DCTN6: variants seen among roughly 807,000 people sequenced by gnomAD.
The protein encoded by DCTN6 is dynactin 6.
DCTN6 carries 15 observed loss-of-function variants against 25.8 expected under a neutral mutation model. The ratio of observed to expected loss-of-function variants is 0.58; its 90% confidence interval spans 0.39 to 0.89. The LOEUF (loss-of-function observed/expected upper bound fraction) is 0.89, where lower values mean the gene tolerates loss of function less well. Among genes scored for constraint, DCTN6 ranks in the 40% least tolerant of loss-of-function variants. The pLI, the probability that DCTN6 is intolerant of heterozygous loss-of-function variation, is 0.00. For synonymous variants in DCTN6, 64 were observed against 78.3 expected (o/e 0.82, Z 0.96); for missense variants, 198 against 237.6 (o/e 0.83, Z 1.09).
At chr8:30,173,918 G>A (rs1803797093) in intron 2 of DCTN6, among the ~76,000 whole-genome samples, 1 of 152,080 alleles carries the variant, frequency 6.6e-6, no homozygotes, top group Non-Finnish European at 1.5e-5. Flanking sequence ...GGATATTGGA[G>A]AGAGCCTAAA....
intron 2 of DCTN6, among the ~76,000 whole-genome samples, chr8:30,166,307 T>G (rs560904315): frequency 6.6e-6 from 1 of 151,928 alleles, no homozygotes; most frequent in African/African-American, 2.4e-5. Flanking sequence ...CGTTTTGGTT[T>G]TTTTTTTCTT....
intron 5 of DCTN6, among the ~76,000 whole-genome samples, chr8:30,179,917 G>A (rs1350725700): frequency 1.3e-5 from 2 of 152,180 alleles, no homozygotes; most frequent in East Asian, 3.9e-4. Flanking sequence ...CTACTGGGAA[G>A]CAACTTCAAG....
In DCTN6 at chr8:30,180,473, G is replaced by C. The variant is rs113486962; in HGVS notation, c.332-15G>C. The C allele has an allele frequency of 1.5e-4, 244 of 1,606,064 alleles. 2 individuals carry two copies. The African/African-American group carries it at 3.1e-3, about 20-fold the overall frequency. Reference sequence around the variant, plus strand: ...GATGTCTTAAGTTGCAGTTCTTTCTGTGTTTTTATTGCAGCATATGTAGGC... The same window carrying C: ...GATGTCTTAAGTTGCAGTTCTTTCTCTGTTTTTATTGCAGCATATGTAGGC... On this transcript the variant is annotated splice_polypyrimidine_tract_variant and intron_variant, in intron 5 of 6. Coordinates refer to ENST00000221114, the MANE Select transcript of DCTN6 (RefSeq NM_006571.4).
At chr8:30,175,025 C>T (rs1803812030) in intron 2 of DCTN6, 60 bp from the exon 3 acceptor site, 1 of 1,526,426 alleles carries the variant, frequency 6.6e-7, no homozygotes, top group Admixed American at 1.8e-5. Context: ...AGTCACCTTC[C>T]ACCCTTCTGT....
At chr8:30,177,448 G>A in intron 4 of DCTN6, 1 of 324,472 alleles carries the variant, frequency 3.1e-6, no homozygotes, top group South Asian at 3.9e-5. Flanking sequence ...GCTCATGCCT[G>A]TAAATCCCAG....
chr8:30,164,082 T>C, intron 1 of DCTN6, 29 bp from the exon 2 acceptor site: 3 of 1,585,632 alleles, frequency 1.9e-6, no homozygotes, highest in Non-Finnish European at 2.6e-6. Flanking sequence ...ATCTTACCCC[T>C]GGTAAATGTT....
intron 1 of DCTN6, among the ~76,000 whole-genome samples, chr8:30,163,004 A>C (rs1803616673): frequency 6.7e-6 from 1 of 150,052 alleles, no homozygotes; most frequent in South Asian, 2.1e-4. Context: ...TTTTTTTTTT[A>C]AGAGATGAGG....
intron 4 of DCTN6, among the ~76,000 whole-genome samples, chr8:30,178,026 T>C (rs1278680313): frequency 2.6e-5 from 4 of 152,194 alleles, no homozygotes; most frequent in Non-Finnish European, 4.4e-5. Flanking sequence ...TCAGTGTGGT[T>C]CCTCTGTAGT....
At chr8:30,158,884 C>G (rs1271304178) in intron 1 of DCTN6, among the ~76,000 whole-genome samples, 1 of 150,014 alleles carries the variant, frequency 6.7e-6, no homozygotes, top group East Asian at 2.0e-4. Flanking sequence ...TGGGTTCAAG[C>G]GATCATCCTG....
intron 6 of DCTN6, 35 bp downstream of exon 6, chr8:30,180,665 G>A (rs1339602859): frequency 6.2e-7 from 1 of 1,606,792 alleles, no homozygotes; most frequent in South Asian, 1.1e-5. Flanking sequence ...AGTTCTATCT[G>A]CTGATTTTCC....
At position 30,183,067 on chromosome 8, in the gene DCTN6, CT is replaced by C; in HGVS notation, c.475-3del. On this transcript the variant is annotated splice_polypyrimidine_tract_variant and splice_region_variant and intron_variant, in intron 6 of 6. Transcript: ENST00000221114. ...TGCCAATCGGCCTTAATTACCTTAT[CT>C]TTTTAGCCCCAGACACTACAGCTGG... 3.1e-6 allele frequency: 5 copies of C among 1,613,562 alleles called. No individual in the cohort carries two copies. The highest frequency in any genetic ancestry group is 4.2e-6 in the Non-Finnish European group (5 of 1,179,602).
At chr8:30,159,568 G>A (rs1206127710) in intron 1 of DCTN6, among the ~76,000 whole-genome samples, 1 of 151,948 alleles carries the variant, frequency 6.6e-6, no homozygotes. Context: ...ATTTTCAGTC[G>A]CTTATTGGAT....
At chr8:30,156,807 T>C (rs1427211027) in intron 1 of DCTN6, among the ~76,000 whole-genome samples, 1 of 152,178 alleles carries the variant, frequency 6.6e-6, no homozygotes, top group African/African-American at 2.4e-5. Flanking sequence ...CTGGATTCTC[T>C]GCTGCATGTT....
At chr8:30,169,064 C>T (rs1013468721) in intron 2 of DCTN6, among the ~76,000 whole-genome samples, 1 of 152,208 alleles carries the variant, frequency 6.6e-6, no homozygotes, top group Non-Finnish European at 1.5e-5. Flanking sequence ...TATGTGAAGG[C>T]GGAACTCGGC....
At chr8:30,156,553 A>G (rs1803527967) in intron 1 of DCTN6, 147 bp downstream of exon 1, 2 of 806,968 alleles carry the variant, frequency 2.5e-6, no homozygotes, top group Non-Finnish European at 4.0e-6. Context: ...GCGTCCACTG[A>G]GGGAGGGGGC....
rs558742561 is a variant in DCTN6 at position 30,158,284 on chromosome 8, A to G, written c.23+1878A>G. On this transcript the variant is annotated intron_variant, in intron 1 of 6. Coordinates refer to ENST00000221114, the MANE Select transcript of DCTN6 (RefSeq NM_006571.4). ...GAAGCTGAGGAAATGGAAAATTGCA[A>G]TGAGAAATAAGGTCTAAAACAAGAG... is the stretch of plus-strand genomic sequence containing the variant. Among the ~76,000 whole-genome samples the G allele has an allele frequency of 4.1e-4, 62 of 152,356 alleles. 1 individual carries two copies. The highest frequency in any genetic ancestry group is 4.9e-4 in the Non-Finnish European group (33 of 68,038).
At position 30,176,114 on chromosome 8, in the gene DCTN6, T is replaced by G. The variant is rs114627144; in HGVS notation, c.194+924T>G. Among the ~76,000 whole-genome samples, 224 of 152,354 alleles carry G rather than the reference T, an allele frequency of 1.5e-3. 2 individuals carry two copies. Among genetic ancestry groups the G allele is most frequent in the African/African-American group, 5.2e-3 (218 of 41,574 alleles). On this transcript the variant is annotated intron_variant, in intron 3 of 6. Coordinates refer to ENST00000221114, the MANE Select transcript of DCTN6 (RefSeq NM_006571.4). ...TCTGTTTATGTTTCACAATCCCAAA[T>G]GATTATTAAGGGTGGAAAATTTTCA...
At chr8:30,170,173 CAAAA>C (rs1265818844) in intron 2 of DCTN6, among the ~76,000 whole-genome samples, 2 of 116,634 alleles carry the variant, frequency 1.7e-5, no homozygotes, top group African/African-American at 3.2e-5. Flanking sequence ...ACTCTGTATC[CAAAA>C]AAAAAAAAAA....
chr8:30,158,035 C>G (rs1006362091), intron 1 of DCTN6, among the ~76,000 whole-genome samples: 10 of 144,290 alleles, frequency 6.9e-5, no homozygotes, highest in Non-Finnish European at 1.3e-4. Context: ...TCTCTGCTCC[C>G]ACCACTCCGA....
Sources: gnomAD v4.1 joint callset for allele counts (sites outside exome capture counted in the v4.1 genomes callset) on GRCh38, gnomAD v4.1.1 for gene constraint, MANE v1.5 for transcripts, NCBI Gene and HGNC (gene_info 2026-07-23, HGNC 2026-07-21) for gene names.